Variants in ALDH4A1 observed in about 807,000 individuals in gnomAD.
The protein encoded by ALDH4A1 is aldehyde dehydrogenase 4 family member A1.
A neutral mutation model predicts 70.5 loss-of-function variants in ALDH4A1; 46 were observed. That is an observed-to-expected ratio of 0.65 (90% CI 0.51 to 0.83). ALDH4A1 has a LOEUF of 0.83. Ranked by LOEUF, ALDH4A1 falls within the 40% of genes least tolerant of loss-of-function variation. The pLI is 0.00. For synonymous variants in ALDH4A1, 323 were observed against 324.3 expected (o/e 1.00, Z 0.04); for missense variants, 749 against 766.5 (o/e 0.98, Z 0.27).
chr1:18,876,273 G>T, intron 12 of ALDH4A1, 42 bp downstream of exon 12: 1 of 1,608,810 alleles, frequency 6.2e-7, no homozygotes, highest in Non-Finnish European at 8.5e-7. Flanking sequence ...TGCTCCGGTG[G>T]GATTGTCCTC....
At position 18,890,021 on chromosome 1, in the gene ALDH4A1, G is replaced by A. The variant is rs200581031; in HGVS notation, c.147C>T (p.Ala49=). The A allele has an allele frequency of 6.2e-6, 10 of 1,608,448 alleles. No homozygotes were observed. In the Admixed American group the frequency reaches 1.3e-4, roughly 22 times the overall value. ...CCCACCCTCCCATTACCTTTTGCAG[G>A]GCATCTCGCTCAGGGCTGCCCTGCG... ...AFTQGSPERD[A]LQKALKDLKG... The change falls in exon 2 of 15, where the codon GCC becomes GCT. Residue 49 remains alanine (A), a synonymous_variant. Coordinates refer to ENST00000375341, the MANE Select transcript of ALDH4A1 (RefSeq NM_003748.4).
At chr1:18,895,015 ATTCCTC>A (rs1935569218) in intron 1 of ALDH4A1, among the ~76,000 whole-genome samples, 1 of 152,066 alleles carries the variant, frequency 6.6e-6, no homozygotes, top group Non-Finnish European at 1.5e-5. Flanking sequence ...GCAGGACAGC[ATTCCTC>A]ATCCATTCAC....
At chr1:18,899,573 GAC>G (rs2100617278) in intron 1 of ALDH4A1, among the ~76,000 whole-genome samples, 1 of 152,390 alleles carries the variant, frequency 6.6e-6, no homozygotes, top group African/African-American at 2.4e-5. Context: ...GGAGGAAAGA[GAC>G]AGTCAGTTGG....
chr1:18,884,813 G>A (rs28602267), intron 5 of ALDH4A1, among the ~76,000 whole-genome samples: 1 of 152,166 alleles, frequency 6.6e-6, no homozygotes, highest in South Asian at 2.1e-4. Context: ...TCTCACGGAG[G>A]GGGTGACATC....
intron 10 of ALDH4A1, 63 bp downstream of exon 10, chr1:18,877,353 T>G (rs995497580): frequency 1.6e-4 from 248 of 1,553,326 alleles, no homozygotes; most frequent in Non-Finnish European, 2.0e-4. Context: ...CAGAGGAGCC[T>G]CCCAGGGACC....
At chr1:18,885,181 AGG>A in intron 5 of ALDH4A1, 2 of 473,944 alleles carry the variant, frequency 4.2e-6, no homozygotes, top group South Asian at 4.3e-5. Context: ...GAGACAGTGC[AGG>A]CCACCACCAG....
chr1:18,879,805 C>T lies in ALDH4A1; in HGVS notation c.867-432G>A, dbSNP rs552739511. On this transcript the variant is annotated intron_variant, in intron 8 of 14. Transcript: ENST00000375341. The stretch of plus-strand genomic sequence containing the variant: ...CCGCTGTGGTCTGCGAAGGATCCCC[C>T]CCAAGCCCAGCGCCCAGGCCTGAGA... Among the ~76,000 whole-genome samples, 4 of 152,298 alleles carry T rather than the reference C, an allele frequency of 2.6e-5. No individual in the cohort carries two copies. In the South Asian group the frequency reaches 6.2e-4, roughly 24 times the overall value.
chr1:18,893,203 C>T (rs1935502579), intron 1 of ALDH4A1, among the ~76,000 whole-genome samples: 2 of 152,226 alleles, frequency 1.3e-5, no homozygotes, highest in Non-Finnish European at 2.9e-5. Context: ...GCAAAGCTCA[C>T]ACCTGCTCCA....
Position 18,874,511 on chromosome 1 carries a change from T to G in ALDH4A1, c.1531A>C (p.Thr511Pro). Reference protein sequence around the residue: ...AGNFYINDKSTGSIVGQQPFG... With the variant: ...AGNFYINDKSPGSIVGQQPFG... ...GGCTGCTGGCCCACTATCGAGCCAG[T>G]GGACTTGTCGTTGATGTAGAAGTTG... The change falls in exon 14 of 15, where the codon ACT becomes CCT. Residue 511 changes from threonine (T) to proline (P), a missense_variant. Transcript: ENST00000375341. The G allele has an allele frequency of 6.2e-7, 1 of 1,614,198 alleles. No individual in the cohort carries two copies. Among genetic ancestry groups the G allele is most frequent in the South Asian group, 1.1e-5 (1 of 91,088 alleles).
Position 18,899,711 on chromosome 1 carries a change from A to G in ALDH4A1, c.62+2751T>C, listed in dbSNP as rs185946369. On this transcript the variant is annotated intron_variant, in intron 1 of 14. Coordinates refer to ENST00000375341, the MANE Select transcript of ALDH4A1 (RefSeq NM_003748.4). ...TCATAGGTTGCTGAGAGGCTGAGTA[A>G]AATAATCCACATGAAAAGTAAATGG... Among the ~76,000 whole-genome samples, 5 of 152,342 alleles carry G rather than the reference A, an allele frequency of 3.3e-5. No individual in the cohort carries two copies. In the East Asian group the frequency reaches 9.6e-4, roughly 29 times the overall value.
rs1289127400 is a variant in ALDH4A1 at position 18,898,823 on chromosome 1, G to T, written c.62+3639C>A. Among the ~76,000 whole-genome samples the T allele has an allele frequency of 6.6e-6, 1 of 152,242 alleles. No individual in the cohort carries two copies. Among genetic ancestry groups the T allele is most frequent in the Non-Finnish European group, 1.5e-5 (1 of 68,050 alleles). ...GCCAGATGCAGGGCACAGGAGGCAGGCTGCTCCCAGGGGTGCCACTGCCAA... is the reference window on the plus strand; with the variant it reads ...GCCAGATGCAGGGCACAGGAGGCAGTCTGCTCCCAGGGGTGCCACTGCCAA... On this transcript the variant is annotated intron_variant, in intron 1 of 14. Transcript: ENST00000375341. This position sits in a 1 kb window ranked among gnomAD's most constrained non-coding sequence, Gnocchi z 4.3.
chr1:18,877,069 G>T, intron 11 of ALDH4A1, 139 bp downstream of exon 11: 3 of 1,079,566 alleles, frequency 2.8e-6, no homozygotes, highest in Non-Finnish European at 4.1e-6. Flanking sequence ...GGAGGTGCGT[G>T]TGTGGCTGCT....
In ALDH4A1 at chr1:18,883,342, C is replaced by G; in HGVS notation, c.540G>C (p.Leu180=). 1 of 1,613,434 alleles carries G rather than the reference C, an allele frequency of 6.2e-7. No individual in the cohort carries two copies. The highest frequency in any genetic ancestry group is 8.5e-7 in the Non-Finnish European group (1 of 1,180,042). Residue 180 remains leucine (L), a synonymous_variant, in exon 6 of 15, where the codon CTG becomes CTC. Coordinates refer to ENST00000375341, the MANE Select transcript of ALDH4A1 (RefSeq NM_003748.4). The part of the protein sequence containing the change: ...FRFNAKYAVE[L]EGQQPISVPP... ...GCACGCTGATGGGCTGCTGCCCCTC[C>G]AGCTCCACCGCATACTTGGCATTGA...
intron 13 of ALDH4A1, 126 bp downstream of exon 13, chr1:18,875,256 T>C (rs1934624294): frequency 6.7e-7 from 1 of 1,499,720 alleles, no homozygotes; most frequent in African/African-American, 1.4e-5. Context: ...CTGTCTGGGC[T>C]GAGGGGAGGG....
chr1:18,874,722 G>C, intron 13 of ALDH4A1, 141 bp from the exon 14 acceptor site: 1 of 825,352 alleles, frequency 1.2e-6, no homozygotes, highest in Non-Finnish European at 2.0e-6. Context: ...GATGCTGCCA[G>C]CTGTTGGCTG....
In ALDH4A1 at chr1:18,877,491, G is replaced by A. The variant is rs901522077; in HGVS notation, c.1062C>T (p.Leu354=). 4 of 1,604,272 alleles carry A rather than the reference G, an allele frequency of 2.5e-6. No homozygotes were observed. In the African/African-American group the frequency reaches 5.3e-5, roughly 21 times the overall value. ...GGQKCSACSR[L]YVPHSLWPQI... ...GCGGCCACAGCGAGTGCGGCACGTA[G>A]AGACGCGAGCACGCGGAACACTTCT... is the stretch of plus-strand genomic sequence containing the variant. Residue 354 remains leucine, a synonymous_variant, in exon 10 of 15, where the codon CTC becomes CTT. Transcript: ENST00000375341.
intron 12 of ALDH4A1, among the ~76,000 whole-genome samples, chr1:18,875,743 G>A (rs184955580): frequency 6.6e-6 from 1 of 152,284 alleles, no homozygotes; most frequent in East Asian, 1.9e-4. Flanking sequence ...AACATTTTCT[G>A]GCTCTCCCTG....
chr1:18,892,723 C>T (rs938841959), intron 1 of ALDH4A1, among the ~76,000 whole-genome samples: 1 of 152,080 alleles, frequency 6.6e-6, no homozygotes, highest in Non-Finnish European at 1.5e-5. Flanking sequence ...TCCCCACCCC[C>T]ACTCTGCCTC....
In ALDH4A1 at chr1:18,898,968, T is replaced by C. The variant is rs1470615583; in HGVS notation, c.62+3494A>G. Among the ~76,000 whole-genome samples the C allele has an allele frequency of 2.0e-5, 3 of 152,254 alleles. No individual in the cohort carries two copies. The highest frequency in any genetic ancestry group is 4.4e-5 in the Non-Finnish European group (3 of 68,040). On this transcript the variant is annotated intron_variant, in intron 1 of 14. Coordinates refer to ENST00000375341, the MANE Select transcript of ALDH4A1 (RefSeq NM_003748.4). This position sits in a 1 kb window ranked among gnomAD's most constrained non-coding sequence, Gnocchi z 4.3. ...TCGGTACCAGCATCCAGGAAACCAC[T>C]GATCACATCACCGCTAATCCTTGCA... is the stretch of plus-strand genomic sequence containing the variant.
Sources: allele counts gnomAD v4.1 joint callset (sites outside exome capture counted in the v4.1 genomes callset), GRCh38; gene constraint gnomAD v4.1.1; non-coding constraint Gnocchi (gnomAD v3.1); transcripts MANE v1.5; gene names NCBI Gene and HGNC (gene_info 2026-07-23, HGNC 2026-07-21).